The following NF1 variants were observed in gnomAD, a reference collection of about 807,000 sequenced individuals.
NF1 encodes neurofibromin 1, also known as neurofibromin.
In NF1, 122 loss-of-function variants were observed where a neutral mutation model predicts 325.7. The ratio of observed to expected loss-of-function variants is 0.37; its 90% CI spans 0.32 to 0.44. NF1 has a LOEUF of 0.44. Ranked by LOEUF, NF1 falls within the 20% of genes least tolerant of loss-of-function variation. The pLI is 1.00. For synonymous variants in NF1, 1,091 were observed against 1,186.0 expected, an observed-to-expected ratio of 0.92 and a Z score of 1.65; for missense variants, 2,140 against 3,415.4, an observed-to-expected ratio of 0.63 and a Z score of 9.31.
At chr17:31,198,961 T>TTCTCTCTG (rs1283713976) in intron 8 of NF1, among the ~76,000 whole-genome samples, 4 of 152,160 alleles carry the variant, frequency 2.6e-5, no homozygotes, top group African/African-American at 9.7e-5. Context: ...TTGGTGTTCT[T>TTCTCTCTG]TCTCTCTGTC....
rs773295623 is a variant in NF1 at position 31,318,362 on chromosome 17, T to C, written c.4836-7458T>C. The C allele has an allele frequency of 3.7e-6, 6 of 1,613,758 alleles. No individual in the cohort carries two copies. The Admixed American group carries it at 1.0e-4, about 27-fold the overall frequency. On this transcript the variant is annotated intron_variant, in intron 36 of 57. Transcript: ENST00000358273. ...CCTTCTTCATCTTTTCTTTCCCTTGTAGCTGTGAGCACTCCAGTAGATTGC... is the reference window on the plus strand; with the variant it reads ...CCTTCTTCATCTTTTCTTTCCCTTGCAGCTGTGAGCACTCCAGTAGATTGC...
intron 4 of NF1, among the ~76,000 whole-genome samples, chr17:31,168,277 C>G (rs2065876703): frequency 6.6e-6 from 1 of 151,994 alleles, no homozygotes; most frequent in African/African-American, 2.4e-5. Flanking sequence ...AAAGCAAACC[C>G]CAGACATCAT....
At chr17:31,304,309 T>A (rs1197644547) in intron 36 of NF1, 1 of 1,613,816 alleles carries the variant, frequency 6.2e-7, no homozygotes, top group African/African-American at 1.3e-5. Flanking sequence ...ATTAAGATCT[T>A]GATCAGAGTT....
rs1319021994 is a variant in NF1, at chr17:31,095,298, C to T, written c.-12C>T. The stretch of plus-strand genomic sequence containing the variant: ...ACCCTTCCCTCCGCCGCCCCCCGGC[C>T]GCGGGGAGGACATGGCCGCGCACAG... On this transcript the variant is annotated 5_prime_UTR_variant, in exon 1 of 58. Transcript: ENST00000358273. The T allele has an allele frequency of 3.9e-6, 6 of 1,536,414 alleles. No individual in the cohort carries two copies. Among genetic ancestry groups the T allele is most frequent in the Non-Finnish European group, 5.2e-6 (6 of 1,146,090 alleles).
In NF1 at chr17:31,256,340, T is replaced by C. The variant is rs760507245; in HGVS notation, c.4174-2004T>C. Among the ~76,000 whole-genome samples, 32 of 152,306 alleles carry C rather than the reference T, an allele frequency of 2.1e-4. 1 individual carries two copies. Among genetic ancestry groups the C allele is most frequent in the South Asian group, 1.9e-3 (9 of 4,828 alleles). ...TTTTAGTAGAGATGGGGTTTTGCCA[T>C]GTTGGCCAGGCTGGTTTCGAACTCC... On this transcript the variant is annotated intron_variant, in intron 31 of 57. Coordinates refer to ENST00000358273, the MANE Select transcript of NF1 (RefSeq NM_001042492.3).
chr17:31,274,698 A>G (rs1165138272), intron 36 of NF1, among the ~76,000 whole-genome samples: 2 of 151,750 alleles, frequency 1.3e-5, no homozygotes, highest in African/African-American at 2.4e-5. Context: ...TCACTTGCTC[A>G]TTCTGTGGAT....
chr17:31,095,834 T>C (rs1440991885), intron 1 of NF1, among the ~76,000 whole-genome samples: 1 of 152,090 alleles, frequency 6.6e-6, no homozygotes, highest in Non-Finnish European at 1.5e-5. Context: ...GCCTGTCTTA[T>C]ATACCCTCAA....
At chr17:31,217,656 T>C (rs2066843204) in intron 13 of NF1, among the ~76,000 whole-genome samples, 1 of 151,874 alleles carries the variant, frequency 6.6e-6, no homozygotes, top group South Asian at 2.1e-4. Context: ...AAGAGAAACA[T>C]TTTAGTCTCT....
intron 36 of NF1, among the ~76,000 whole-genome samples, chr17:31,311,250 G>A (rs867026530): frequency 6.6e-6 from 1 of 152,050 alleles, no homozygotes; most frequent in African/African-American, 2.4e-5. Context: ...ACCGAGCCCG[G>A]CCATAGACAT....
intron 36 of NF1, among the ~76,000 whole-genome samples, chr17:31,277,118 C>T (rs967245816): frequency 5.9e-5 from 9 of 152,094 alleles, no homozygotes; most frequent in African/African-American, 1.4e-4. Flanking sequence ...TGGATTATCA[C>T]GAAGGTCTTC....
At chr17:31,201,535 T>C in intron 11 of NF1, 50 bp downstream of exon 11, 1 of 1,324,812 alleles carries the variant, frequency 7.5e-7, no homozygotes, top group Non-Finnish European at 1.1e-6. Flanking sequence ...TTTTCTTTCT[T>C]TTCTTTGCGT....
rs9890283 is a variant in NF1 at position 31,232,900 on chromosome 17, T to C, written c.3496+19T>C. The C allele has an allele frequency of 1.2e-3, 1,901 of 1,613,898 alleles. 24 individuals carry two copies. In the African/African-American group the frequency reaches 0.023, roughly 19 times the overall value. Reference sequence around the variant, plus strand: ...TCCATAGGTGAGATCAAATGAAAGTTTCATATAGAAATACAAAACCTAGAG... The same window carrying C: ...TCCATAGGTGAGATCAAATGAAAGTCTCATATAGAAATACAAAACCTAGAG... On this transcript the variant is annotated intron_variant, in intron 26 of 57. Transcript: ENST00000358273.
intron 39 of NF1, among the ~76,000 whole-genome samples, chr17:31,333,695 G>C (rs1484663090): frequency 6.6e-6 from 1 of 152,214 alleles, no homozygotes; most frequent in Non-Finnish European, 1.5e-5. Context: ...CAGAATTTCA[G>C]TTTGGAAGAT....
At chr17:31,330,041 C>T (rs1021104834) in intron 38 of NF1, among the ~76,000 whole-genome samples, 12 of 152,068 alleles carry the variant, frequency 7.9e-5, no homozygotes, top group African/African-American at 2.2e-4. Flanking sequence ...GCCTATACCC[C>T]GCCCCTCTGT....
intron 36 of NF1, chr17:31,273,769 A>G (rs977785675): frequency 6.6e-6 from 1 of 152,208 alleles, no homozygotes; most frequent in African/African-American, 2.4e-5. Context: ...AAACAGATAG[A>G]CTTTGGCAGA....
chr17:31,109,263 T>G (rs1278562455), intron 1 of NF1, among the ~76,000 whole-genome samples: 1 of 152,248 alleles, frequency 6.6e-6, no homozygotes, highest in Non-Finnish European at 1.5e-5. Context: ...CATCTGTATC[T>G]TGGATTCATG....
At chr17:31,239,259 C>T (rs554486407) in intron 29 of NF1, among the ~76,000 whole-genome samples, 52 of 152,160 alleles carry the variant, frequency 3.4e-4, no homozygotes, top group Admixed American at 5.9e-4. Context: ...AAAGAGAAGG[C>T]TAGAGAAAAA....
At chr17:31,211,354 GAATTA>G (rs1159212102) in intron 12 of NF1, among the ~76,000 whole-genome samples, 1 of 152,186 alleles carries the variant, frequency 6.6e-6, no homozygotes, top group African/African-American at 2.4e-5. Context: ...TATTTGAGAT[GAATTA>G]AATTTATTGG....
chr17:31,222,513 G>C lies in NF1; in HGVS notation c.1721+584G>C, dbSNP rs1284413052. 2.9e-6 allele frequency: 3 copies of C among 1,026,878 alleles called. No individual in the cohort carries two copies. In the East Asian group the frequency reaches 1.9e-4, roughly 65 times the overall value. The allele number at this position is 1,026,878 out of a possible 1,614,324, so 63.6% of individuals were successfully genotyped here. On this transcript the variant is annotated intron_variant, in intron 15 of 57. Transcript: ENST00000358273. ...TTGCCATTATCTTATAAGAATGGGTGTGCTAAGTTACTTGGCAGCTGAATT... is the reference window on the plus strand; with the variant it reads ...TTGCCATTATCTTATAAGAATGGGTCTGCTAAGTTACTTGGCAGCTGAATT...
Sources: allele counts gnomAD v4.1 joint callset (sites outside exome capture counted in the v4.1 genomes callset), GRCh38; gene constraint gnomAD v4.1.1; transcripts MANE v1.5; gene names NCBI Gene and HGNC (gene_info 2026-07-23, HGNC 2026-07-21).